The following ABHD18 variants were observed in gnomAD, a reference collection of about 807,000 sequenced individuals.
ABHD18 encodes the protein cardiolipin-specific deacylase, mitochondrial.
Under a neutral mutation model 65.9 loss-of-function variants are expected in ABHD18, and 55 were observed. The ratio of observed to expected loss-of-function variants is 0.84; its 90% CI spans 0.67 to 1.05. The LOEUF (loss-of-function observed/expected upper bound fraction) is 1.05. ABHD18 is among the 50% of genes least tolerant of loss of function. The pLI is 0.00. For missense variants in ABHD18, 533 were observed against 558.5 expected (o/e 0.95, Z 0.46); for synonymous variants, 181 against 180.2 (o/e 1.00, Z -0.04).
intron 1 of ABHD18, among the ~76,000 whole-genome samples, chr4:127,966,878 C>A (rs1445141947): frequency 1.4e-5 from 2 of 145,684 alleles, no homozygotes; most frequent in East Asian, 2.0e-4. Flanking sequence ...GAGTGAGATT[C>A]TGTCTCAAAA....
Position 128,030,513 on chromosome 4 carries a change from C to G in ABHD18, c.1184C>G (p.Pro395Arg), listed in dbSNP as rs778636734. The G allele has an allele frequency of 1.9e-6, 3 of 1,544,378 alleles. No homozygotes were observed. In the Admixed American group the frequency reaches 7.3e-5, roughly 37 times the overall value. The change falls in exon 12 of 13, where the codon CCA becomes CGA. Residue 395 changes from proline to arginine, a missense_variant. By Grantham distance (103) the Pro-to-Arg change is moderately radical. Transcript: ENST00000645843. ...ECTHVANFSV[P>R]VDPSLIIVVQ... ...TTTTTAAAAATCCTATACCTAGTCC[C>G]AGTTGATCCAAGCCTCATTATAGTG...
At chr4:127,993,790 T>G (rs187979132) in intron 4 of ABHD18, among the ~76,000 whole-genome samples, 1 of 152,244 alleles carries the variant, frequency 6.6e-6, no homozygotes, top group Admixed American at 6.5e-5. Context: ...TTAAGTTGCA[T>G]TGTTTTTCAC....
chr4:127,968,216 TAAAC>T (rs910720876), intron 1 of ABHD18, among the ~76,000 whole-genome samples: 13 of 152,120 alleles, frequency 8.5e-5, no homozygotes, highest in African/African-American at 1.9e-4. Flanking sequence ...TCTCAAAAAA[TAAAC>T]AAACAAACAT....
chr4:127,993,599 C>G (rs1340777335), intron 4 of ABHD18, among the ~76,000 whole-genome samples: 1 of 152,034 alleles, frequency 6.6e-6, no homozygotes, highest in Admixed American at 6.6e-5. Context: ...AAAATTCCAC[C>G]AATGAGTGTT....
chr4:128,024,911 C>T (rs1470893577), intron 10 of ABHD18, among the ~76,000 whole-genome samples: 1 of 152,026 alleles, frequency 6.6e-6, no homozygotes, highest in African/African-American at 2.4e-5. Flanking sequence ...GGGCTGGTCT[C>T]GAACTCCTGG....
At chr4:127,974,792 C>T (rs982568548) in intron 1 of ABHD18, among the ~76,000 whole-genome samples, 5 of 151,498 alleles carry the variant, frequency 3.3e-5, no homozygotes, top group East Asian at 3.9e-4. Flanking sequence ...GTCAGGAGTT[C>T]GAGACCAGCC....
intron 3 of ABHD18, among the ~76,000 whole-genome samples, chr4:127,989,139 A>C (rs921687834): frequency 5.3e-5 from 8 of 152,238 alleles, no homozygotes; most frequent in Non-Finnish European, 1.0e-4. Flanking sequence ...GGTGGAACTG[A>C]AGGACATCGC....
At position 127,971,275 on chromosome 4, in the gene ABHD18, C is replaced by A. The variant is rs201059344; in HGVS notation, c.-18+5669C>A. Among the ~76,000 whole-genome samples the A allele has an allele frequency of 3.9e-3, 569 of 146,266 alleles. 12 individuals carry two copies. In the East Asian group the frequency reaches 0.073, roughly 19 times the overall value. On this transcript the variant is annotated intron_variant, in intron 1 of 12. Transcript: ENST00000645843. The stretch of plus-strand genomic sequence containing the variant: ...GTCTCAAAAAAAAAAAAAAAAAAGA[C>A]AATGAAGTCTTGCATTCCAATGACA...
chr4:127,971,254 C>CAA (rs1295767524), intron 1 of ABHD18, among the ~76,000 whole-genome samples: 225 of 74,530 alleles, frequency 3.0e-3, no homozygotes, highest in Non-Finnish European at 4.9e-3. Context: ...GACCCTGTCT[C>CAA]AAAAAAAAAA....
chr4:128,019,757 A>T, intron 8 of ABHD18, among the ~76,000 whole-genome samples: 1 of 152,200 alleles, frequency 6.6e-6, no homozygotes, highest in East Asian at 1.9e-4. Context: ...AAGTCACTTA[A>T]GTAATGAGTG....
In ABHD18 at chr4:127,989,829, T is replaced by C. The variant is rs1378211075; in HGVS notation, c.278+8T>C. ...TGAATCTGTTATTGCAAGGTAAGAA[T>C]TTTTTTGTTCAAAAAGATGAATACA... On this transcript the variant is annotated splice_region_variant and intron_variant, in intron 4 of 12. Coordinates refer to ENST00000645843, the MANE Select transcript of ABHD18 (RefSeq NM_001358451.3). 5.3e-6 allele frequency: 8 copies of C among 1,519,860 alleles called. No homozygotes were observed. Among genetic ancestry groups the C allele is most frequent in the Non-Finnish European group, 7.1e-6 (8 of 1,126,502 alleles). The allele number at this position is 1,519,860 out of a possible 1,614,324, so 94.1% of individuals were successfully genotyped here. A position where few individuals can be genotyped will look rare whatever the true frequency, so the allele number is the denominator to read the frequency against.
intron 10 of ABHD18, among the ~76,000 whole-genome samples, chr4:128,023,617 C>T (rs1216448305): frequency 6.6e-6 from 1 of 151,368 alleles, no homozygotes; most frequent in Non-Finnish European, 1.5e-5. Flanking sequence ...CGCAATGGCT[C>T]ACCCTGTAAT....
chr4:127,999,213 G>A (rs1365231357), intron 4 of ABHD18, among the ~76,000 whole-genome samples: 3 of 152,108 alleles, frequency 2.0e-5, no homozygotes, highest in Non-Finnish European at 4.4e-5. Context: ...GAACCTGGGA[G>A]GTGGAGGTTG....
chr4:127,996,490 T>G (rs995172255), intron 4 of ABHD18, among the ~76,000 whole-genome samples: 5 of 152,092 alleles, frequency 3.3e-5, no homozygotes, highest in African/African-American at 7.2e-5. Context: ...GATCACATGC[T>G]TCAAAGGGCA....
intron 1 of ABHD18, among the ~76,000 whole-genome samples, chr4:127,971,278 T>C (rs934178171): frequency 3.4e-5 from 5 of 146,650 alleles, no homozygotes; most frequent in Non-Finnish European, 7.5e-5. Flanking sequence ...AAAAAGACAA[T>C]GAAGTCTTGC....
chr4:127,982,363 C>CA (rs915998107), intron 1 of ABHD18, among the ~76,000 whole-genome samples: 15 of 152,066 alleles, frequency 9.9e-5, no homozygotes, highest in African/African-American at 3.4e-4. Context: ...AAAGTAGTAG[C>CA]AGTGATTATT....
chr4:127,997,729 G>A (rs1232483471), intron 4 of ABHD18, among the ~76,000 whole-genome samples: 1 of 152,108 alleles, frequency 6.6e-6, no homozygotes, highest in East Asian at 1.9e-4. Context: ...AGCAGCTGTT[G>A]GCTCAGAGAA....
chr4:128,009,165 C>G lies in ABHD18; in HGVS notation c.416C>G (p.Ala139Gly), dbSNP rs560711930. ...CCTATGATTAAAGAAGCCCGAATGG[C>G]TTCTTTATTGTTAGAAAACCCTTAT... Reference protein sequence around the residue: ...ARPMIKEARMASLLLENPYYG... With the variant: ...ARPMIKEARMGSLLLENPYYG... The change falls in exon 6 of 13, where the codon GCT (alanine) becomes GGT (glycine). Residue 139 changes from alanine (A) to glycine (G), a missense_variant. Ala to Gly is a moderately conservative substitution (Grantham distance 60, BLOSUM62 0). This residue lies in a region of ABHD18 where 309 missense variants were observed against 313.5 expected (regional missense o/e 0.99). Coordinates refer to ENST00000645843, the MANE Select transcript of ABHD18 (RefSeq NM_001358451.3). 2 of 1,518,066 alleles carry G rather than the reference C, an allele frequency of 1.3e-6. No homozygotes were observed. Among genetic ancestry groups the G allele is most frequent in the East Asian group, 5.0e-5 (2 of 40,246 alleles). The allele number at this position is 1,518,066 out of a possible 1,614,324, so 94.0% of individuals were successfully genotyped here. A position where few individuals can be genotyped will look rare whatever the true frequency, so the allele number is the denominator to read the frequency against.
At position 128,034,083 on chromosome 4, in the gene ABHD18, C is replaced by T. The variant is rs1029318174; in HGVS notation, c.1344-1679C>T. ...AAGCAATTCTCCTGCCTCAGCCTCTCGAGTAGCTGGGATTACAGGCACCCA... is the reference window on the plus strand; with the variant it reads ...AAGCAATTCTCCTGCCTCAGCCTCTTGAGTAGCTGGGATTACAGGCACCCA... On this transcript the variant is annotated intron_variant, in intron 12 of 12. Coordinates refer to ENST00000645843, the MANE Select transcript of ABHD18 (RefSeq NM_001358451.3). Among the ~76,000 whole-genome samples the T allele has an allele frequency of 8.5e-4, 128 of 150,102 alleles. 1 individual carries two copies. Among genetic ancestry groups the T allele is most frequent in the Middle Eastern group, 6.8e-3 (2 of 292 alleles).
Sources: gnomAD v4.1 joint callset for allele counts (sites outside exome capture counted in the v4.1 genomes callset) on GRCh38, gnomAD v4.1.1 for gene constraint, gnomAD v4.1.1 regional missense constraint, MANE v1.5 for transcripts, NCBI Gene and HGNC (gene_info 2026-07-23, HGNC 2026-07-21) for gene names.